Variants in TMEM273 observed in about 807,000 individuals in gnomAD.
The protein encoded by TMEM273 is chromosome 10 open reading frame 128.
TMEM273 carries 19 observed loss-of-function variants against 17.9 expected under a neutral mutation model. The ratio of observed to expected loss-of-function variants is 1.06; its 90% CI spans 0.74 to 1.55. The LOEUF (loss-of-function observed/expected upper bound fraction) is 1.55, where lower values mean the gene tolerates loss of function less well. Ranked by LOEUF, TMEM273 falls within the 40% of genes most tolerant of loss-of-function variation. TMEM273 has a pLI of 0.00. For synonymous variants in TMEM273, 66 were observed against 62.0 expected (o/e 1.07, Z -0.31); for missense variants, 194 against 155.6 (o/e 1.25, Z -1.31).
At chr10:49,166,663 GAC>G in intron 3 of TMEM273, 1 of 660,100 alleles carries the variant, frequency 1.5e-6, no homozygotes, top group Non-Finnish European at 2.6e-6. Context: ...CAAATAGAGA[GAC>G]AGAGAGAGAT....
chr10:49,157,869 T>G (rs752537604), intron 6 of TMEM273, among the ~76,000 whole-genome samples: 1 of 152,176 alleles, frequency 6.6e-6, no homozygotes, highest in South Asian at 2.1e-4. Flanking sequence ...TAAAGGCATA[T>G]GAATTGGGAA....
intron 5 of TMEM273, among the ~76,000 whole-genome samples, chr10:49,164,427 T>A (rs73304783): frequency 9.1e-4 from 138 of 152,204 alleles, no homozygotes; most frequent in African/African-American, 3.3e-3. Context: ...TTCCAGCACA[T>A]CTTCCTGGCT....
rs192677119 is a variant in TMEM273, at chr10:49,162,496, C to T, written c.349-874G>A. Reference sequence around the variant, plus strand: ...GTCTGGCGATTTGCAAAGCAAAGTGCCTTAACTCAAAGTCCCCCTCAATGT... The same window carrying T: ...GTCTGGCGATTTGCAAAGCAAAGTGTCTTAACTCAAAGTCCCCCTCAATGT... On this transcript the variant is annotated intron_variant, in intron 5 of 6. Coordinates refer to ENST00000374153, the MANE Select transcript of TMEM273 (RefSeq NM_001288740.3). Among the ~76,000 whole-genome samples, 470 of 152,284 alleles carry T rather than the reference C, an allele frequency of 3.1e-3. 3 individuals carry two copies. The highest frequency in any genetic ancestry group is 0.011 in the African/African-American group (448 of 41,546).
chr10:49,155,885 C>T lies in TMEM273; in HGVS notation c.*7G>A, dbSNP rs1439206619. ...AACCCCTCTTCACGTCACTGCTCACCTACAGCTCAATCACCTGTGCATCTC... is the reference window on the plus strand; with the variant it reads ...AACCCCTCTTCACGTCACTGCTCACTTACAGCTCAATCACCTGTGCATCTC... On this transcript the variant is annotated 3_prime_UTR_variant, in exon 7 of 7. Coordinates refer to ENST00000374153, the MANE Select transcript of TMEM273 (RefSeq NM_001288740.3). The T allele has an allele frequency of 4.3e-6, 7 of 1,614,088 alleles. No homozygotes were observed. Among genetic ancestry groups the T allele is most frequent in the South Asian group, 1.1e-5 (1 of 91,084 alleles).
Position 49,188,058 on chromosome 10 carries a change from G to A in TMEM273, c.43+236C>T, listed in dbSNP as rs75366457. On this transcript the variant is annotated intron_variant, in intron 1 of 6. Transcript: ENST00000374153. ...CCAGATGTTTCTAGATCCCAAGCCC[G>A]AAGCTCCTTCTGCCATGACCCTTCC... 3.1e-3 allele frequency among the ~76,000 whole-genome samples: 476 copies of A among 152,320 alleles called. 5 individuals carry two copies. The highest frequency in any genetic ancestry group is 0.011 in the African/African-American group (459 of 41,570).
intron 6 of TMEM273, among the ~76,000 whole-genome samples, chr10:49,159,120 G>A (rs553008232): frequency 1.1e-4 from 16 of 152,114 alleles, no homozygotes; most frequent in Non-Finnish European, 1.5e-4. Flanking sequence ...TGTTTACATA[G>A]TTTATCTCTG....
intron 1 of TMEM273, among the ~76,000 whole-genome samples, chr10:49,174,452 C>T (rs1846809809): frequency 6.6e-6 from 1 of 152,226 alleles, no homozygotes; most frequent in Non-Finnish European, 1.5e-5. Flanking sequence ...TTGCCGGAGT[C>T]TAGACACTTC....
intron 5 of TMEM273, among the ~76,000 whole-genome samples, chr10:49,164,464 A>G (rs1340476704): frequency 2.6e-5 from 4 of 152,136 alleles, no homozygotes; most frequent in African/African-American, 9.7e-5. Context: ...CCATGCCACC[A>G]TATAACAAAA....
At chr10:49,157,780 G>A (rs1380063561) in intron 6 of TMEM273, among the ~76,000 whole-genome samples, 7 of 152,196 alleles carry the variant, frequency 4.6e-5, no homozygotes, top group Admixed American at 6.5e-5. Context: ...TCTGGCAGAC[G>A]CATGTTGTAT....
chr10:49,171,312 G>A (rs149211702), intron 1 of TMEM273, among the ~76,000 whole-genome samples: 2 of 100,300 alleles, frequency 2.0e-5, no homozygotes, highest in African/African-American at 4.1e-5. Context: ...ACTGGGCAGG[G>A]TCAGAGAGCC....
intron 6 of TMEM273, among the ~76,000 whole-genome samples, chr10:49,156,868 A>G (rs1845544079): frequency 6.6e-6 from 1 of 152,242 alleles, no homozygotes; most frequent in Admixed American, 6.5e-5. Context: ...AAGACATTGG[A>G]AACCAGCAAG....
At chr10:49,172,925 G>C (rs1269820016) in intron 1 of TMEM273, among the ~76,000 whole-genome samples, 1 of 152,368 alleles carries the variant, frequency 6.6e-6, no homozygotes, top group East Asian at 1.9e-4. Context: ...TGTGAACCCT[G>C]CCTGACCAAT....
At chr10:49,172,417 G>A (rs993098679) in intron 1 of TMEM273, among the ~76,000 whole-genome samples, 4 of 152,180 alleles carry the variant, frequency 2.6e-5, no homozygotes, top group Non-Finnish European at 4.4e-5. Context: ...GGAACAGGGT[G>A]CAGAGTGGGC....
chr10:49,158,314 T>C (rs1254573740), intron 6 of TMEM273, among the ~76,000 whole-genome samples: 1 of 152,082 alleles, frequency 6.6e-6, no homozygotes, highest in African/African-American at 2.4e-5. Context: ...TTTTTTTTTT[T>C]CTGTGTGTTG....
intron 1 of TMEM273, among the ~76,000 whole-genome samples, chr10:49,179,881 G>A (rs1212538146): frequency 6.6e-6 from 1 of 151,764 alleles, no homozygotes; most frequent in Non-Finnish European, 1.5e-5. Context: ...ACTCCACAAC[G>A]GTCAAACAGC....
chr10:49,175,526 T>C (rs1424910905), intron 1 of TMEM273, among the ~76,000 whole-genome samples: 2 of 152,266 alleles, frequency 1.3e-5, no homozygotes, highest in Non-Finnish European at 1.5e-5. Context: ...GTATCAAAAC[T>C]GGTGCCCACT....
At chr10:49,176,710 C>A (rs909795037) in intron 1 of TMEM273, among the ~76,000 whole-genome samples, 1 of 152,114 alleles carries the variant, frequency 6.6e-6, no homozygotes, top group African/African-American at 2.4e-5. Flanking sequence ...TGTCCTGGAC[C>A]ATGGGAAAGG....
At chr10:49,168,733 G>C (rs1220569996) in intron 1 of TMEM273, among the ~76,000 whole-genome samples, 4 of 151,546 alleles carry the variant, frequency 2.6e-5, no homozygotes, top group Non-Finnish European at 5.9e-5. Flanking sequence ...TGGGAAGGAA[G>C]GAAAGAAAGA....
rs1052833097 is a variant in TMEM273 at position 49,168,011 on chromosome 10, G to A, written c.44-49C>T. On this transcript the variant is annotated intron_variant, in intron 1 of 6. Transcript: ENST00000374153. ...CCTGGTTAGAACAGAGCTGGCTGTG[G>A]TCCCAGCTACCCAGTCTCAGAGGCC... The A allele has an allele frequency of 2.5e-6, 4 of 1,608,610 alleles. No homozygotes were observed. In the African/African-American group the frequency reaches 5.3e-5, roughly 22 times the overall value.
Sources: allele counts gnomAD v4.1 joint callset (sites outside exome capture counted in the v4.1 genomes callset), GRCh38; gene constraint gnomAD v4.1.1; transcripts MANE v1.5; gene names NCBI Gene and HGNC (gene_info 2026-07-23, HGNC 2026-07-21).